Variants in NAALADL2 observed in about 807,000 individuals in gnomAD.
NAALADL2 encodes inactive N-acetylated-alpha-linked acidic dipeptidase-like protein 2.
In NAALADL2, 76 loss-of-function variants were observed where a neutral mutation model predicts 87.2. The observed-to-expected ratio is 0.87, with a 90% CI of 0.72 to 1.05. NAALADL2 has a LOEUF of 1.05. Ranked by LOEUF, NAALADL2 falls within the 50% of genes least tolerant of loss-of-function variation. NAALADL2 has a pLI of 0.00. For synonymous variants in NAALADL2, 354 were observed against 331.0 expected (o/e 1.07, Z -0.75); for missense variants, 1,089 against 945.8 (o/e 1.15, Z -1.99).
In NAALADL2 at chr3:175,691,294, A is replaced by T. The variant is rs1383592624; in HGVS notation, c.1897-46012A>T. On this transcript the variant is annotated intron_variant, in intron 11 of 13. Transcript: ENST00000454872. Reference sequence around the variant, plus strand: ...ATACACACAGATGGATAAAACAATTACTATAAAAGGACATTTCTTATTAAT... The same window carrying T: ...ATACACACAGATGGATAAAACAATTTCTATAAAAGGACATTTCTTATTAAT... Among the ~76,000 whole-genome samples, 3 of 151,088 alleles carry T rather than the reference A, an allele frequency of 2.0e-5. No homozygotes were observed. The Admixed American group carries it at 2.0e-4, about 10-fold the overall frequency.
intron 10 of NAALADL2, among the ~76,000 whole-genome samples, chr3:175,617,265 C>T (rs892240782): frequency 6.6e-6 from 1 of 152,108 alleles, no homozygotes; most frequent in Non-Finnish European, 1.5e-5. Flanking sequence ...TTCCTTCCTT[C>T]GACCTCCAGA....
intron 2 of NAALADL2, among the ~76,000 whole-genome samples, chr3:174,706,133 A>G (rs1243238041): frequency 6.6e-6 from 1 of 152,220 alleles, no homozygotes; most frequent in Admixed American, 6.5e-5. Flanking sequence ...AACAACAATA[A>G]AAATTTTGTT....
chr3:175,426,579 G>A (rs1716821984), intron 5 of NAALADL2, among the ~76,000 whole-genome samples: 1 of 152,108 alleles, frequency 6.6e-6, no homozygotes, highest in Non-Finnish European at 1.5e-5. Flanking sequence ...AGTGTTAACA[G>A]TATTTATGGC....
intron 11 of NAALADL2, among the ~76,000 whole-genome samples, chr3:175,726,741 AGG>A (rs1276836450): frequency 2.0e-5 from 3 of 152,090 alleles, no homozygotes; most frequent in African/African-American, 7.2e-5. Flanking sequence ...TGTTGTTTTG[AGG>A]GAGTACCCAA....
intron 1 of NAALADL2, among the ~76,000 whole-genome samples, chr3:174,898,343 G>A (rs1157646383): frequency 6.6e-6 from 1 of 151,278 alleles, no homozygotes; most frequent in Non-Finnish European, 1.5e-5. Context: ...GTAGAGGGGG[G>A]TTAGGAGGAG....
At chr3:175,677,774 G>A (rs1014725588) in intron 11 of NAALADL2, among the ~76,000 whole-genome samples, 6 of 152,096 alleles carry the variant, frequency 3.9e-5, no homozygotes, top group African/African-American at 1.2e-4. Context: ...GTTCTTCATA[G>A]GCAAAGTGAA....
At chr3:175,080,420 C>T (rs983855381) in intron 1 of NAALADL2, among the ~76,000 whole-genome samples, 2 of 152,064 alleles carry the variant, frequency 1.3e-5, no homozygotes, top group African/African-American at 4.8e-5. Flanking sequence ...AATTCTAAAC[C>T]GAATTTTCCA....
chr3:174,505,909 T>C (rs371745719), intron 1 of NAALADL2, among the ~76,000 whole-genome samples: 1 of 152,094 alleles, frequency 6.6e-6, no homozygotes, highest in African/African-American at 2.4e-5. Context: ...AAGAGGAAAA[T>C]GAAACTTTTC....
chr3:175,608,202 A>G (rs1724054683), intron 10 of NAALADL2, among the ~76,000 whole-genome samples: 1 of 148,434 alleles, frequency 6.7e-6, no homozygotes, highest in African/African-American at 2.5e-5. Flanking sequence ...TTTAATTTTG[A>G]ATAAATTAGC....
intron 9 of NAALADL2, among the ~76,000 whole-genome samples, chr3:175,506,033 C>G (rs918815928): frequency 2.0e-5 from 3 of 152,102 alleles, no homozygotes; most frequent in African/African-American, 7.2e-5. Context: ...CTACCAGATT[C>G]CCTTTTGACC....
intron 2 of NAALADL2, among the ~76,000 whole-genome samples, chr3:175,156,322 A>T (rs56068347): frequency 1.5e-5 from 1 of 64,728 alleles, no homozygotes; most frequent in Non-Finnish European, 4.8e-5. Flanking sequence ...ATCTTTAGAT[A>T]AATAGCTCTA....
intron 5 of NAALADL2, among the ~76,000 whole-genome samples, chr3:175,410,810 G>A (rs984101336): frequency 1.3e-5 from 2 of 152,120 alleles, no homozygotes; most frequent in Non-Finnish European, 2.9e-5. Context: ...CAGATTTACA[G>A]TGAGCGGCAT....
chr3:174,569,551 G>A (rs1260846097), intron 2 of NAALADL2, among the ~76,000 whole-genome samples: 1 of 152,018 alleles, frequency 6.6e-6, no homozygotes, highest in Non-Finnish European at 1.5e-5. Context: ...GGTAATGAGT[G>A]TCATTTCCCT....
At chr3:174,467,862 AT>A (rs1716633694) in intron 1 of NAALADL2, among the ~76,000 whole-genome samples, 1 of 152,130 alleles carries the variant, frequency 6.6e-6, no homozygotes, top group African/African-American at 2.4e-5. Flanking sequence ...TAACAGAATT[AT>A]TAATAAATAT....
chr3:175,294,592 G>A (rs1234503039), intron 4 of NAALADL2, among the ~76,000 whole-genome samples: 1 of 152,164 alleles, frequency 6.6e-6, no homozygotes, highest in Non-Finnish European at 1.5e-5. Flanking sequence ...CACGTAGCTT[G>A]GAGGTTGCAG....
intron 1 of NAALADL2, among the ~76,000 whole-genome samples, chr3:174,508,328 T>C (rs1719359517): frequency 2.0e-5 from 3 of 152,080 alleles, no homozygotes; most frequent in Admixed American, 6.5e-5. Context: ...TTAGCCAGGA[T>C]GGTCTCGATC....
intron 2 of NAALADL2, among the ~76,000 whole-genome samples, chr3:174,621,766 G>T (rs967581463): frequency 7.2e-5 from 11 of 152,110 alleles, no homozygotes; most frequent in African/African-American, 2.7e-4. Context: ...CTATACTTAC[G>T]CAGGGCCTTG....
At chr3:175,075,143 A>G (rs939758775) in intron 1 of NAALADL2, among the ~76,000 whole-genome samples, 3 of 152,064 alleles carry the variant, frequency 2.0e-5, no homozygotes, top group African/African-American at 7.2e-5. Flanking sequence ...TTTTCAGATG[A>G]GAAAATTGAA....
chr3:175,217,554 A>G (rs902707916), intron 2 of NAALADL2, among the ~76,000 whole-genome samples: 3 of 152,208 alleles, frequency 2.0e-5, no homozygotes, highest in African/African-American at 4.8e-5. Context: ...AAGTAATACT[A>G]AAGGTGGCAA....
Sources: gnomAD v4.1 joint callset for allele counts (sites outside exome capture counted in the v4.1 genomes callset) on GRCh38, gnomAD v4.1.1 for gene constraint, MANE v1.5 for transcripts, NCBI Gene and HGNC (gene_info 2026-07-23, HGNC 2026-07-21) for gene names.